TMEM177: variants seen among roughly 807,000 people sequenced by gnomAD.
The protein encoded by TMEM177 is transmembrane protein 177.
TMEM177 carries 4 observed loss-of-function variants against 14.2 expected under a neutral mutation model. That is an observed-to-expected ratio of 0.28 (90% CI 0.14 to 0.64). The LOEUF (loss-of-function observed/expected upper bound fraction) is 0.64, where lower values mean the gene tolerates loss of function less well. Ranked by LOEUF, TMEM177 falls within the 30% of genes least tolerant of loss-of-function variation. The pLI is 0.82. For missense variants in TMEM177, 344 were observed against 405.2 expected (o/e 0.85, Z 1.30); for synonymous variants, 179 against 174.5 (o/e 1.03, Z -0.20).
the TMEM177 span, among the ~76,000 whole-genome samples, chr2:119,692,430 G>T: frequency 1.3e-5 from 2 of 152,246 alleles, no homozygotes; most frequent in African/African-American, 4.8e-5. Context: ...GAGCCGTGAG[G>T]TGTAGCCCAG....
downstream of TMEM177, among the ~76,000 whole-genome samples, chr2:119,689,388 C>G (rs1689062456): frequency 6.6e-6 from 1 of 152,222 alleles, no homozygotes; most frequent in South Asian, 2.1e-4. Context: ...GGGCAGCCAA[C>G]TCAGCTGGGA....
At chr2:119,684,441 C>A (rs1474961152), downstream of TMEM177, among the ~76,000 whole-genome samples, 1 of 152,218 alleles carries the variant, frequency 6.6e-6, no homozygotes, top group Admixed American at 6.5e-5. Context: ...TACCGTGGAG[C>A]TAGCGGCTTA....
chr2:119,691,422 C>A (rs1482123286), downstream of TMEM177, among the ~76,000 whole-genome samples: 3 of 152,126 alleles, frequency 2.0e-5, no homozygotes, highest in Non-Finnish European at 2.9e-5. Flanking sequence ...AGTTGTCAAG[C>A]AGTGACTGAA....
downstream of TMEM177, among the ~76,000 whole-genome samples, chr2:119,690,309 G>T (rs937529260): frequency 4.6e-5 from 7 of 151,682 alleles, no homozygotes; most frequent in African/African-American, 1.7e-4. Flanking sequence ...TTCACCTTCC[G>T]CCATGTTTGT....
At chr2:119,685,735 A>G, downstream of TMEM177, 1 of 718,072 alleles carries the variant, frequency 1.4e-6, no homozygotes, top group Non-Finnish European at 2.6e-6. Flanking sequence ...AAGGATTTGA[A>G]GCTGGCAGTC....
the TMEM177 span, among the ~76,000 whole-genome samples, chr2:119,715,033 G>A: frequency 8.5e-5 from 13 of 152,100 alleles, no homozygotes; most frequent in African/African-American, 3.1e-4. Context: ...AGCTCCCATT[G>A]TCATGACCCC....
chr2:119,707,275 A>T, the TMEM177 span, among the ~76,000 whole-genome samples: 1 of 152,186 alleles, frequency 6.6e-6, no homozygotes, highest in Non-Finnish European at 1.5e-5. Flanking sequence ...TCACGTGATC[A>T]TCAGTAACCC....
At chr2:119,701,690 G>A in the TMEM177 span, among the ~76,000 whole-genome samples, 1 of 152,250 alleles carries the variant, frequency 6.6e-6, no homozygotes, top group African/African-American at 2.4e-5. Context: ...AATGGAGAAA[G>A]AGGAATTCAC....
At chr2:119,680,711 C>T in intron 1 of TMEM177, 121 bp from the exon 2 acceptor site, 1 of 738,056 alleles carries the variant, frequency 1.4e-6, no homozygotes, top group Admixed American at 2.9e-5. Flanking sequence ...GCTCTAGAGC[C>T]CACACTCTTC....
chr2:119,690,825 C>G (rs1209995256), downstream of TMEM177, among the ~76,000 whole-genome samples: 1 of 152,272 alleles, frequency 6.6e-6, no homozygotes, highest in African/African-American at 2.4e-5. Flanking sequence ...TGGACACTTT[C>G]AGCTCACTGG....
In TMEM177 at chr2:119,681,299, C is replaced by A; in HGVS notation, c.446C>A (p.Ala149Asp). 1.2e-6 allele frequency: 2 copies of A among 1,614,234 alleles called. No individual in the cohort carries two copies. The highest frequency in any genetic ancestry group is 1.7e-6 in the Non-Finnish European group (2 of 1,180,044). Residue 149 changes from alanine (A) to aspartate (D), a missense_variant, in exon 2 of 2, where the codon GCC becomes GAC. Physicochemically the swap from Ala to Asp is moderately radical, Grantham distance 126. Coordinates refer to ENST00000272521, the MANE Select transcript of TMEM177 (RefSeq NM_030577.3). ...LRASLTLSRE[A>D]QKFALAREVV... ...GCTTCCCTGACCTTGTCCCGTGAAG[C>A]CCAGAAGTTCGCCTTGGCCAGGGAA...
At chr2:119,683,753 C>T (rs1396510322), downstream of TMEM177, among the ~76,000 whole-genome samples, 2 of 152,206 alleles carry the variant, frequency 1.3e-5, no homozygotes, top group Non-Finnish European at 1.5e-5. Context: ...ATCCTCCAGC[C>T]GTGTGTATGT....
the TMEM177 span, among the ~76,000 whole-genome samples, chr2:119,705,106 G>A: frequency 7.9e-5 from 12 of 152,286 alleles, no homozygotes; most frequent in African/African-American, 2.9e-4. Flanking sequence ...TGAATGCTCT[G>A]CCCAGATCTC....
At chr2:119,698,059 A>G in the TMEM177 span, among the ~76,000 whole-genome samples, 6 of 152,136 alleles carry the variant, frequency 3.9e-5, no homozygotes, top group African/African-American at 1.4e-4. Context: ...AGGGGAGGCA[A>G]TGCCAACTTG....
At position 119,681,564 on chromosome 2, in the gene TMEM177, CCT is replaced by C; in HGVS notation, c.716_717del (p.Ser239CysfsTer12). ...ESWLDRRTAS[L>X]SAAYACGGVE... ...CCTGGCTGGACCGCCGCACGGCCTC[CCT>C]CTCTGCAGCCTATGCCTGTGGTGGA... On this transcript the variant is annotated frameshift_variant, in exon 2 of 2. Coordinates refer to ENST00000272521, the MANE Select transcript of TMEM177 (RefSeq NM_030577.3). LOFTEE classifies it high-confidence loss of function. The C allele has an allele frequency of 1.2e-6, 2 of 1,614,198 alleles. No individual in the cohort carries two copies. Among genetic ancestry groups the C allele is most frequent in the Non-Finnish European group, 1.7e-6 (2 of 1,180,006 alleles).
chr2:119,696,510 G>T, the TMEM177 span, among the ~76,000 whole-genome samples: 1 of 152,114 alleles, frequency 6.6e-6, no homozygotes, highest in African/African-American at 2.4e-5. Context: ...AAATCACAAT[G>T]GATAAAAATG....
intron 1 of TMEM177, among the ~76,000 whole-genome samples, chr2:119,680,143 C>T (rs1688856981): frequency 6.6e-6 from 1 of 152,118 alleles, no homozygotes; most frequent in Admixed American, 6.5e-5. Context: ...TACTGATGGC[C>T]TCATTTTATC....
chr2:119,706,499 A>ACT, the TMEM177 span, among the ~76,000 whole-genome samples: 2 of 152,210 alleles, frequency 1.3e-5, no homozygotes, highest in African/African-American at 4.8e-5. Context: ...GCGCTGGGCC[A>ACT]CAGAGGTAAT....
At chr2:119,708,680 C>T in the TMEM177 span, among the ~76,000 whole-genome samples, 2 of 145,828 alleles carry the variant, frequency 1.4e-5, no homozygotes, top group African/African-American at 5.0e-5. Flanking sequence ...CACACATACA[C>T]ACACACACAG....
Sources: gnomAD v4.1 joint callset for allele counts (sites outside exome capture counted in the v4.1 genomes callset) on GRCh38, gnomAD v4.1.1 for gene constraint, MANE v1.5 for transcripts, NCBI Gene and HGNC (gene_info 2026-07-23, HGNC 2026-07-21) for gene names.